NBEAL1: variants seen among roughly 807,000 people sequenced by gnomAD.
NBEAL1 encodes the protein neurobeachin-like protein 1.
A neutral mutation model predicts 351.3 loss-of-function variants in NBEAL1; 273 were observed. The observed-to-expected ratio is 0.78, with a 90% CI of 0.70 to 0.86. NBEAL1 has a LOEUF of 0.86. NBEAL1 is among the 40% of genes least tolerant of loss of function. The probability of loss-of-function intolerance (pLI) is 0.00; values close to 1 mark genes in which losing one functional copy is unlikely to be tolerated. For missense variants in NBEAL1, 2,961 were observed against 3,201.3 expected, an observed-to-expected ratio of 0.92 and a Z score of 1.81; for synonymous variants, 1,050 against 1,086.4, an observed-to-expected ratio of 0.97 and a Z score of 0.66.
intron 46 of NBEAL1, among the ~76,000 whole-genome samples, chr2:203,192,807 T>G (rs966582462): frequency 1.3e-5 from 2 of 152,192 alleles, no homozygotes; most frequent in African/African-American, 4.8e-5. Flanking sequence ...ACTGTGCCTT[T>G]GAAATGTTCA....
At chr2:203,215,916 T>C (rs1426463892) in intron 55 of NBEAL1, among the ~76,000 whole-genome samples, 1 of 144,670 alleles carries the variant, frequency 6.9e-6, no homozygotes, top group Non-Finnish European at 1.5e-5. Flanking sequence ...GAGGCTACGG[T>C]GGGAGGATTG....
chr2:203,209,749 T>TGTGTGTGTGTGTA, intron 53 of NBEAL1, among the ~76,000 whole-genome samples: 1 of 27,076 alleles, frequency 3.7e-5, no homozygotes, highest in South Asian at 1.6e-3. Flanking sequence ...GTGTGTGTAT[T>TGTGTGTGTGTGTA]TTTTTCTGAG....
chr2:203,129,702 A>G (rs138681614), intron 24 of NBEAL1, among the ~76,000 whole-genome samples: 1 of 152,362 alleles, frequency 6.6e-6, no homozygotes, highest in African/African-American at 2.4e-5. Flanking sequence ...GAAGAGTATG[A>G]CAATATCTGT....
At chr2:203,149,498 G>T (rs1292986279) in intron 34 of NBEAL1, among the ~76,000 whole-genome samples, 1 of 152,016 alleles carries the variant, frequency 6.6e-6, no homozygotes, top group Non-Finnish European at 1.5e-5. Context: ...TCACTTAACT[G>T]ATCCTCAGTT....
At position 203,049,873 on chromosome 2, in the gene NBEAL1, G is replaced by A. The variant is rs2061297081; in HGVS notation, c.203G>A (p.Arg68Lys). ...CCTGATAATATTCTGCAGGTTCTGA[G>A]GATCCAGCTTCTACAGTGTGTTCAG... ...LLPDNILQVL[R>K]IQLLQCVQKM... Residue 68 changes from arginine to lysine, a missense_variant, in exon 4 of 56, where the codon AGG becomes AAG. Coordinates refer to ENST00000683969, the MANE Select transcript of NBEAL1 (RefSeq NM_001378026.1). 6.4e-7 allele frequency: 1 copy of A among 1,556,400 alleles called. No individual in the cohort carries two copies. The highest frequency in any genetic ancestry group is 2.0e-5 in the Admixed American group (1 of 51,002).
intron 19 of NBEAL1, 34 bp downstream of exon 19, chr2:203,122,377 C>A (rs1205130010): frequency 1.6e-6 from 2 of 1,264,610 alleles, no homozygotes; most frequent in Non-Finnish European, 2.2e-6. Context: ...CAACATCTTA[C>A]ATAATTTACT....
chr2:203,150,604 T>A (rs1402921943), intron 34 of NBEAL1, among the ~76,000 whole-genome samples: 1 of 152,102 alleles, frequency 6.6e-6, no homozygotes, highest in East Asian at 1.9e-4. Flanking sequence ...TTCTGTTTTT[T>A]TGGGTTTTTT....
chr2:203,122,313 A>C lies in NBEAL1; in HGVS notation c.2652A>C (p.Thr884=). Residue 884 remains threonine, a synonymous_variant, in exon 19 of 56, where the codon ACA becomes ACC. Transcript: ENST00000683969. ...LSTNCLHGRL[T]GNKVVNWDIK... is the part of the protein sequence containing the mutation. ...CTAATTGTTTGCATGGAAGATTAAC[A>C]GGAAACAAAGTAGTGAACTGGGACA... 6.5e-7 allele frequency: 1 copy of C among 1,544,506 alleles called. No homozygotes were observed. The highest frequency in any genetic ancestry group is 1.2e-5 in the South Asian group (1 of 82,080).
chr2:203,139,151 A>G (rs1385028821), intron 31 of NBEAL1, among the ~76,000 whole-genome samples: 1 of 152,032 alleles, frequency 6.6e-6, no homozygotes, highest in Non-Finnish European at 1.5e-5. Context: ...ACTAATTCAC[A>G]ATTTTACATT....
intron 7 of NBEAL1, among the ~76,000 whole-genome samples, chr2:203,069,009 C>T (rs539861407): frequency 6.6e-6 from 1 of 152,274 alleles, no homozygotes; most frequent in African/African-American, 2.4e-5. Context: ...GGATTACAGG[C>T]ATGAGCCACC....
intron 42 of NBEAL1, among the ~76,000 whole-genome samples, chr2:203,176,360 T>G (rs2064500961): frequency 6.6e-6 from 1 of 151,846 alleles, no homozygotes; most frequent in Admixed American, 6.6e-5. Context: ...GAACTCCTGA[T>G]GTTAAGTGAT....
intron 3 of NBEAL1, among the ~76,000 whole-genome samples, chr2:203,042,977 A>G (rs935956565): frequency 6.6e-6 from 1 of 152,204 alleles, no homozygotes; most frequent in African/African-American, 2.4e-5. Flanking sequence ...GGTGTAATCC[A>G]TAGGGCTTAT....
At chr2:203,097,864 T>C (rs954553245) in intron 11 of NBEAL1, among the ~76,000 whole-genome samples, 1 of 152,166 alleles carries the variant, frequency 6.6e-6, no homozygotes, top group Non-Finnish European at 1.5e-5. Context: ...CCTCTACGTG[T>C]GTATGGTCTT....
At chr2:203,031,168 G>A (rs1003863201) in intron 2 of NBEAL1, among the ~76,000 whole-genome samples, 2 of 152,148 alleles carry the variant, frequency 1.3e-5, no homozygotes, top group Non-Finnish European at 2.9e-5. Context: ...TTTTCCTAGT[G>A]ATTTGGCAGT....
At chr2:203,159,239 A>G (rs1166497185) in intron 36 of NBEAL1, among the ~76,000 whole-genome samples, 1 of 152,126 alleles carries the variant, frequency 6.6e-6, no homozygotes, top group East Asian at 1.9e-4. Flanking sequence ...AAAATTTACC[A>G]TTTTTAATGC....
Position 203,209,227 on chromosome 2 carries a change from G to A in NBEAL1, c.7690G>A (p.Glu2564Lys). Reference sequence around the variant, plus strand: ...CATGAGGACTTTACGACCACCTTGTGAGAGTTCTCTGTTCCTGACCATTCC... The same window carrying A: ...CATGAGGACTTTACGACCACCTTGTAAGAGTTCTCTGTTCCTGACCATTCC... The part of the protein sequence containing the change: ...QYMRTLRPPC[E>K]SSLFLTIPNL... Residue 2564 changes from glutamate to lysine, a missense_variant, in exon 53 of 56, where the codon GAG (glutamate) becomes AAG (lysine). By Grantham distance (56) the Glu-to-Lys change is moderately conservative. Coordinates refer to ENST00000683969, the MANE Select transcript of NBEAL1 (RefSeq NM_001378026.1). 1.9e-6 allele frequency: 3 copies of A among 1,613,672 alleles called. No homozygotes were observed. Among genetic ancestry groups the A allele is most frequent in the Non-Finnish European group, 2.5e-6 (3 of 1,179,628 alleles).
chr2:203,040,672 A>T, intron 2 of NBEAL1: 1 of 637,724 alleles, frequency 1.6e-6, no homozygotes, highest in South Asian at 1.4e-5. Flanking sequence ...GGAAGACCTC[A>T]TTCATGAAAT....
chr2:203,081,399 T>C (rs1208269442), intron 8 of NBEAL1, among the ~76,000 whole-genome samples: 1 of 152,272 alleles, frequency 6.6e-6, no homozygotes, highest in Non-Finnish European at 1.5e-5. Context: ...TGTTTTAGTT[T>C]ATTAATTTAT....
At chr2:203,180,012 A>G (rs368985676) in intron 42 of NBEAL1, among the ~76,000 whole-genome samples, 90 of 152,242 alleles carry the variant, frequency 5.9e-4, no homozygotes, top group African/African-American at 2.1e-3. Context: ...GACCTGAGGT[A>G]ATCCACCCAC....
Sources: allele counts gnomAD v4.1 joint callset (sites outside exome capture counted in the v4.1 genomes callset), GRCh38; gene constraint gnomAD v4.1.1; transcripts MANE v1.5; gene names NCBI Gene and HGNC (gene_info 2026-07-23, HGNC 2026-07-21).